Variants in UQCC1 observed in about 807,000 individuals in gnomAD.
UQCC1 encodes the protein bFGF-repressed Zic-binding protein.
In UQCC1, 38 loss-of-function variants were observed where a neutral mutation model predicts 48.0. The ratio of observed to expected loss-of-function variants is 0.79; its 90% CI spans 0.61 to 1.04. The LOEUF (loss-of-function observed/expected upper bound fraction) is 1.04, where lower values mean the gene tolerates loss of function less well. UQCC1 is among the 50% of genes least tolerant of loss of function. The probability of loss-of-function intolerance (pLI) is 0.00; values close to 1 mark genes in which losing one functional copy is unlikely to be tolerated. For synonymous variants in UQCC1, 111 were observed against 129.2 expected, an observed-to-expected ratio of 0.86 and a Z score of 0.95; for missense variants, 368 against 381.8, an observed-to-expected ratio of 0.96 and a Z score of 0.30.
intron 6 of UQCC1, among the ~76,000 whole-genome samples, chr20:35,365,083 A>C (rs2061651330): frequency 6.6e-6 from 1 of 152,180 alleles, no homozygotes; most frequent in African/African-American, 2.4e-5. Context: ...TCAGACAACA[A>C]GATGGCAGGC....
chr20:35,363,884 A>G (rs2061635934), intron 6 of UQCC1, among the ~76,000 whole-genome samples: 1 of 152,004 alleles, frequency 6.6e-6, no homozygotes, highest in South Asian at 2.1e-4. Flanking sequence ...AGGCTAAGAG[A>G]GCAGGGCCAA....
At chr20:35,306,517 C>T in intron 9 of UQCC1, 149 bp downstream of exon 9, 1 of 624,030 alleles carries the variant, frequency 1.6e-6, no homozygotes, top group Non-Finnish European at 2.9e-6. Context: ...ACAGAAGGCG[C>T]TCCTTCTTCA....
At chr20:35,348,944 C>T (rs1190473857) in intron 6 of UQCC1, among the ~76,000 whole-genome samples, 1 of 152,164 alleles carries the variant, frequency 6.6e-6, no homozygotes, top group African/African-American at 2.4e-5. Flanking sequence ...TGTGAGGCAC[C>T]ATGCCTGGCA....
At chr20:35,344,967 A>G (rs1015481868) in intron 7 of UQCC1, 1 of 152,222 alleles carries the variant, frequency 6.6e-6, no homozygotes, top group Non-Finnish European at 1.5e-5. Flanking sequence ...TACATAATGC[A>G]GCTTCCATAA....
intron 8 of UQCC1, among the ~76,000 whole-genome samples, chr20:35,310,949 C>T (rs1465271711): frequency 5.3e-5 from 8 of 150,690 alleles, no homozygotes; most frequent in Non-Finnish European, 1.0e-4. Flanking sequence ...CTATCCACCT[C>T]GGCCTCCCAA....
chr20:35,408,668 A>C (rs1025233408), intron 1 of UQCC1, among the ~76,000 whole-genome samples: 1 of 151,714 alleles, frequency 6.6e-6, no homozygotes, highest in African/African-American at 2.4e-5. Context: ...CCTGGGCAAC[A>C]TAAGGAGACC....
chr20:35,329,122 C>G (rs184563387), intron 7 of UQCC1, among the ~76,000 whole-genome samples: 5 of 152,312 alleles, frequency 3.3e-5, no homozygotes, highest in African/African-American at 1.2e-4. Context: ...CAGCACTACC[C>G]AGGCATCAAG....
chr20:35,336,993 G>A (rs1270706265), intron 7 of UQCC1, among the ~76,000 whole-genome samples: 3 of 152,264 alleles, frequency 2.0e-5, no homozygotes, highest in Admixed American at 6.5e-5. Context: ...AGTAACAGTG[G>A]CAACAAAGAC....
chr20:35,367,165 C>T (rs1259755657), intron 5 of UQCC1, among the ~76,000 whole-genome samples: 1 of 151,552 alleles, frequency 6.6e-6, no homozygotes, highest in Non-Finnish European at 1.5e-5. Context: ...CTAGTTCCAG[C>T]CCTGTTACCA....
At chr20:35,367,107 A>C (rs2061677759) in intron 5 of UQCC1, among the ~76,000 whole-genome samples, 2 of 150,078 alleles carry the variant, frequency 1.3e-5, no homozygotes, top group Admixed American at 6.7e-5. Context: ...AAAAAAAAAA[A>C]AACAAACAAA....
intron 6 of UQCC1, among the ~76,000 whole-genome samples, chr20:35,355,150 G>GC (rs1222396096): frequency 1.3e-5 from 2 of 151,976 alleles, no homozygotes; most frequent in Non-Finnish European, 2.9e-5. Context: ...CTCCACACAG[G>GC]CAGTGGCCCC....
At chr20:35,317,652 C>T (rs2061076232) in intron 7 of UQCC1, among the ~76,000 whole-genome samples, 1 of 152,212 alleles carries the variant, frequency 6.6e-6, no homozygotes, top group African/African-American at 2.4e-5. Context: ...CTGGGAGCTA[C>T]TCAAGGGTCA....
At chr20:35,320,483 G>A (rs1217640966) in intron 7 of UQCC1, among the ~76,000 whole-genome samples, 1 of 152,094 alleles carries the variant, frequency 6.6e-6, no homozygotes, top group Non-Finnish European at 1.5e-5. Flanking sequence ...TGGAAGGAAT[G>A]TAGCTGCCCC....
chr20:35,374,592 A>C (rs2146462234), intron 4 of UQCC1, among the ~76,000 whole-genome samples: 1 of 152,320 alleles, frequency 6.6e-6, no homozygotes, highest in East Asian at 1.9e-4. Flanking sequence ...ACTCTTTAGA[A>C]TCTGAAATCC....
intron 3 of UQCC1, among the ~76,000 whole-genome samples, chr20:35,382,614 G>A (rs1293536060): frequency 2.1e-5 from 3 of 140,506 alleles, no homozygotes; most frequent in Admixed American, 7.6e-5. Flanking sequence ...CCGGGTTCCC[G>A]CCATTCTCCT....
intron 1 of UQCC1, among the ~76,000 whole-genome samples, chr20:35,403,489 C>T (rs1460965112): frequency 6.6e-6 from 1 of 152,166 alleles, no homozygotes; most frequent in African/African-American, 2.4e-5. Context: ...GACAAGTTGA[C>T]TCCAGAATGG....
intron 5 of UQCC1, among the ~76,000 whole-genome samples, chr20:35,368,662 G>A (rs911351340): frequency 1.3e-5 from 2 of 152,192 alleles, no homozygotes; most frequent in African/African-American, 4.8e-5. Context: ...TAGAGATGAG[G>A]AAACAGACTC....
intron 7 of UQCC1, among the ~76,000 whole-genome samples, 170 bp from the exon 8 acceptor site, chr20:35,314,935 C>G (rs1047654662): frequency 6.6e-6 from 1 of 152,180 alleles, no homozygotes; most frequent in African/African-American, 2.4e-5. Flanking sequence ...GGATTCTCCC[C>G]AATTTGCCAA....
chr20:35,322,151 C>T (rs1428486414), intron 7 of UQCC1, among the ~76,000 whole-genome samples: 1 of 152,120 alleles, frequency 6.6e-6, no homozygotes, highest in Non-Finnish European at 1.5e-5. Context: ...CATGACAAGT[C>T]TCATGCATAC....
Sources: allele counts gnomAD v4.1 joint callset (sites outside exome capture counted in the v4.1 genomes callset), GRCh38; gene constraint gnomAD v4.1.1; transcripts MANE v1.5; gene names NCBI Gene and HGNC (gene_info 2026-07-23, HGNC 2026-07-21).